EP400: variants seen among roughly 807,000 people sequenced by gnomAD.
EP400 encodes the protein E1A binding protein p400.
A neutral mutation model predicts 354.1 loss-of-function variants in EP400; 105 were observed. That is an observed-to-expected ratio of 0.30 (90% confidence interval 0.25 to 0.35). The LOEUF (loss-of-function observed/expected upper bound fraction) is 0.35. Among genes scored for constraint, EP400 ranks in the 10% least tolerant of loss-of-function variants. The pLI is 1.00. For missense variants in EP400, 3,280 were observed against 4,121.0 expected (o/e 0.80, Z 5.59); for synonymous variants, 1,646 against 1,716.9 (o/e 0.96, Z 1.02).
chr12:132,006,551 A>T, intron 14 of EP400, 149 bp from the exon 15 acceptor site: 1 of 956,876 alleles, frequency 1.0e-6, no homozygotes, highest in Non-Finnish European at 1.5e-6. Flanking sequence ...GATCTCCAAA[A>T]GAAGCAATTC....
In EP400 at chr12:132,080,090, C is replaced by T. The variant is rs1221743980; in HGVS notation, c.*2417C>T. ...GACTATAAAGGCAGCAGCCCGAACACTGTCAGACTCTAATTGGCGACCCTG... is the reference window on the plus strand; with the variant it reads ...GACTATAAAGGCAGCAGCCCGAACATTGTCAGACTCTAATTGGCGACCCTG... On this transcript the variant is annotated 3_prime_UTR_variant, in exon 53 of 53. Coordinates refer to ENST00000389561, the MANE Select transcript of EP400 (RefSeq NM_015409.5). 6.6e-6 allele frequency: 1 copy of T among 152,220 alleles called. No homozygotes were observed. Among genetic ancestry groups the T allele is most frequent in the Non-Finnish European group, 1.5e-5 (1 of 68,048 alleles). The allele number at this position is 152,220 out of a possible 1,614,324, so 9.4% of individuals were successfully genotyped here.
At chr12:132,076,715 T>C (rs1047252962) in intron 52 of EP400, 122 bp downstream of exon 52, 1 of 880,798 alleles carries the variant, frequency 1.1e-6, no homozygotes, top group African/African-American at 1.7e-5. Flanking sequence ...AAACATTAAC[T>C]TCAGGGGAAA....
rs1408106683 is a variant in EP400, at chr12:132,070,353, T to G, written c.9021+712T>G. ...TGAATACCCTATTTTCAGCCCCATTTATTTAAAAGCCCAATTCTGTCATCC... is the reference window on the plus strand; with the variant it reads ...TGAATACCCTATTTTCAGCCCCATTGATTTAAAAGCCCAATTCTGTCATCC... On this transcript the variant is annotated intron_variant, in intron 51 of 52. Coordinates refer to ENST00000389561, the MANE Select transcript of EP400 (RefSeq NM_015409.5). This position sits in a 1 kb window ranked among gnomAD's most constrained non-coding sequence, Gnocchi z 4.1. Among the ~76,000 whole-genome samples, 1 of 152,256 alleles carries G rather than the reference T, an allele frequency of 6.6e-6. No homozygotes were observed. The highest frequency in any genetic ancestry group is 2.4e-5 in the African/African-American group (1 of 41,472).
At chr12:132,009,735 C>T (rs1893700200) in intron 15 of EP400, among the ~76,000 whole-genome samples, 1 of 151,936 alleles carries the variant, frequency 6.6e-6, no homozygotes, top group Non-Finnish European at 1.5e-5. Flanking sequence ...TCATGGCTCA[C>T]TGCAGCCTCA....
chr12:132,028,808 A>G (rs112289220), intron 27 of EP400: 3,400 of 156,178 alleles, frequency 0.022, 92 homozygotes, highest in South Asian at 0.09. Context: ...CTTGGACCCC[A>G]TCTCCAGGCT....
intron 12 of EP400, among the ~76,000 whole-genome samples, chr12:131,999,807 A>G (rs1805735718): frequency 6.6e-6 from 1 of 152,100 alleles, no homozygotes; most frequent in African/African-American, 2.4e-5. Flanking sequence ...CAAATTTTCT[A>G]GGAATTTCTT....
At position 132,062,179 on chromosome 12, in the gene EP400, G is replaced by A. The variant is rs1469569038; in HGVS notation, c.7954G>A (p.Ala2652Thr). 3.1e-6 allele frequency: 5 copies of A among 1,614,084 alleles called. No individual in the cohort carries two copies. Among genetic ancestry groups the A allele is most frequent in the African/African-American group, 1.3e-5 (1 of 75,052 alleles). ...CCCGCCACGGGCAGTCGGCTCCCCA[G>A]CCACGGCGACCCCTGACCTGGTGTC... is the stretch of plus-strand genomic sequence containing the variant. Reference protein sequence around the residue: ...QPPPRAVGSPATATPDLVSMA... With the variant: ...QPPPRAVGSPTTATPDLVSMA... Residue 2652 changes from alanine (A) to threonine (T), a missense_variant, in exon 46 of 53, where the codon GCC becomes ACC. Ala to Thr is a moderately conservative substitution (Grantham distance 58). This residue lies in a region of EP400 where 255 missense variants were observed against 295.9 expected (regional missense o/e 0.86). Coordinates refer to ENST00000389561, the MANE Select transcript of EP400 (RefSeq NM_015409.5).
chr12:131,992,869 T>C lies in EP400; in HGVS notation c.2737+639T>C, dbSNP rs571002815. On this transcript the variant is annotated intron_variant, in intron 11 of 52. Coordinates refer to ENST00000389561, the MANE Select transcript of EP400 (RefSeq NM_015409.5). ...TTCTCCTTCGGCTCTTTGATCAGCATCAGTGTGGTTTTATTGGCTTGGTTT... is the reference window on the plus strand; with the variant it reads ...TTCTCCTTCGGCTCTTTGATCAGCACCAGTGTGGTTTTATTGGCTTGGTTT... Among the ~76,000 whole-genome samples the C allele has an allele frequency of 2.3e-4, 35 of 152,338 alleles. No homozygotes were observed. In the South Asian group the frequency reaches 7.0e-3, roughly 31 times the overall value.
chr12:132,045,928 G>T (rs1303260104), intron 39 of EP400, 28 bp downstream of exon 39: 1 of 1,611,454 alleles, frequency 6.2e-7, no homozygotes, highest in East Asian at 2.2e-5. Context: ...TGTCCTTCGA[G>T]GAGAGCACAG....
At chr12:132,016,775 G>A (rs907469558) in intron 19 of EP400, among the ~76,000 whole-genome samples, 1 of 152,190 alleles carries the variant, frequency 6.6e-6, no homozygotes, top group Admixed American at 6.5e-5. Context: ...AACTGAGCTC[G>A]TGTTTTCCCA....
intron 14 of EP400, 51 bp downstream of exon 14, chr12:132,006,353 C>G (rs773773406): frequency 1.3e-6 from 2 of 1,576,574 alleles, no homozygotes; most frequent in Non-Finnish European, 1.7e-6. Context: ...AGACAGAGCA[C>G]ATAGCTTAGC....
intron 41 of EP400, among the ~76,000 whole-genome samples, chr12:132,051,336 A>G (rs533716797): frequency 6.6e-6 from 1 of 152,326 alleles, no homozygotes; most frequent in African/African-American, 2.4e-5. Context: ...GTAGAAATAA[A>G]GACACAAGAC....
At chr12:131,986,157 G>T (rs1455054854) in intron 5 of EP400, among the ~76,000 whole-genome samples, 1 of 151,874 alleles carries the variant, frequency 6.6e-6, no homozygotes. Context: ...AAATTTTTTT[G>T]TAGAGATGGG....
At chr12:132,002,281 T>C (rs1893442261) in intron 12 of EP400, among the ~76,000 whole-genome samples, 1 of 152,252 alleles carries the variant, frequency 6.6e-6, no homozygotes, top group South Asian at 2.1e-4. Context: ...TTAAAATTTA[T>C]CTTGTATTTT....
chr12:131,981,209 T>C (rs1005662094), intron 3 of EP400, among the ~76,000 whole-genome samples: 1 of 152,218 alleles, frequency 6.6e-6, no homozygotes, highest in Admixed American at 6.5e-5. Flanking sequence ...CTGTGCTTTC[T>C]GAGTGCTAAG....
intron 32 of EP400, among the ~76,000 whole-genome samples, chr12:132,039,908 T>G (rs955165092): frequency 6.6e-6 from 1 of 152,108 alleles, no homozygotes; most frequent in Non-Finnish European, 1.5e-5. Flanking sequence ...AGTGTGGTGG[T>G]GAGCACCTGT....
chr12:132,060,047 A>G (rs901779909), intron 45 of EP400, among the ~76,000 whole-genome samples: 4 of 152,092 alleles, frequency 2.6e-5, no homozygotes, highest in Non-Finnish European at 5.9e-5. Context: ...TATGCTTTCT[A>G]TTTTAAGGAA....
chr12:131,995,754 A>G (rs149296429), intron 12 of EP400, among the ~76,000 whole-genome samples: 187 of 117,072 alleles, frequency 1.6e-3, no homozygotes, highest in African/African-American at 4.5e-3. Context: ...GAATCCCACC[A>G]CAGCTTGACT....
intron 47 of EP400, among the ~76,000 whole-genome samples, 177 bp from the exon 48 acceptor site, chr12:132,064,487 TAATA>T (rs772963942): frequency 6.6e-6 from 1 of 152,248 alleles, no homozygotes; most frequent in African/African-American, 2.4e-5. Flanking sequence ...TGCACATTTT[TAATA>T]AATGAACACC....
Sources: allele counts gnomAD v4.1 joint callset (sites outside exome capture counted in the v4.1 genomes callset), GRCh38; gene constraint gnomAD v4.1.1; regional missense constraint gnomAD v4.1.1; non-coding constraint Gnocchi (gnomAD v3.1); transcripts MANE v1.5; gene names NCBI Gene and HGNC (gene_info 2026-07-23, HGNC 2026-07-21).